Variants in PPEF2 observed in about 807,000 individuals in gnomAD.
The protein encoded by PPEF2 is serine/threonine-protein phosphatase with EF-hands 2.
In PPEF2, 84 loss-of-function variants were observed where a neutral mutation model predicts 84.7. The observed-to-expected ratio is 0.99, with a 90% CI of 0.83 to 1.19. The LOEUF (loss-of-function observed/expected upper bound fraction) is 1.19, where lower values mean the gene tolerates loss of function less well. PPEF2 is among the 50% of genes most tolerant of loss of function. PPEF2 has a pLI of 0.00. For synonymous variants in PPEF2, 346 were observed against 345.2 expected (o/e 1.00, Z -0.03); for missense variants, 924 against 937.5 (o/e 0.99, Z 0.19).
At chr4:75,870,290 A>AT (rs923610014) in intron 13 of PPEF2, among the ~76,000 whole-genome samples, 31 of 152,114 alleles carry the variant, frequency 2.0e-4, no homozygotes, top group Non-Finnish European at 4.4e-5. Context: ...CAAATGGCTG[A>AT]TTTTTTATAA....
chr4:75,893,784 T>C (rs1427749626), intron 2 of PPEF2, among the ~76,000 whole-genome samples: 3 of 152,202 alleles, frequency 2.0e-5, no homozygotes, highest in Non-Finnish European at 2.9e-5. Flanking sequence ...GTGCTGCCAA[T>C]GATGAGACAT....
At position 75,892,742 on chromosome 4, in the gene PPEF2, G is replaced by C. The variant is rs146456805; in HGVS notation, c.56-764C>G. ...CTAGGTGACCAGGTAGGGCAGGTTA[G>C]GGTGTGGAGTTTCATTCTTTATATA... On this transcript the variant is annotated intron_variant, in intron 2 of 16. Coordinates refer to ENST00000286719, the MANE Select transcript of PPEF2 (RefSeq NM_006239.3). Among the ~76,000 whole-genome samples the C allele has an allele frequency of 2.6e-3, 401 of 152,276 alleles. 3 individuals carry two copies. Among genetic ancestry groups the C allele is most frequent in the African/African-American group, 7.2e-3 (301 of 41,544 alleles).
At position 75,860,863 on chromosome 4, in the gene PPEF2, T is replaced by C. The variant is rs755522013; in HGVS notation, c.2066A>G (p.Asn689Ser). The change falls in exon 17 of 17, where the codon AAT (asparagine) becomes AGT (serine). Residue 689 changes from asparagine (N) to serine (S), a missense_variant. By Grantham distance (46) the Asn-to-Ser change is conservative. Coordinates refer to ENST00000286719, the MANE Select transcript of PPEF2 (RefSeq NM_006239.3). ...GATGCAGTCATCTGTAATGTCGATA[T>C]TCATGTGAGAGCTGAACAGCTTCCA... ...QTWKLFSSHM[N>S]IDITDDCICD... 1.2e-6 allele frequency: 2 copies of C among 1,614,234 alleles called. No homozygotes were observed. Among genetic ancestry groups the C allele is most frequent in the Non-Finnish European group, 1.7e-6 (2 of 1,180,030 alleles).
At chr4:75,885,092 C>T (rs1197049498) in intron 7 of PPEF2, among the ~76,000 whole-genome samples, 1 of 152,186 alleles carries the variant, frequency 6.6e-6, no homozygotes, top group Non-Finnish European at 1.5e-5. Context: ...TAATACTTGC[C>T]ATAGATTTCT....
Position 75,888,134 on chromosome 4 carries a change from C to T in PPEF2, c.532+80G>A. 6.3e-6 allele frequency: 7 copies of T among 1,113,920 alleles called. No homozygotes were observed. In the South Asian group the frequency reaches 9.0e-5, roughly 14 times the overall value. The allele number at this position is 1,113,920 out of a possible 1,614,324, so 69.0% of individuals were successfully genotyped here. A position where few individuals can be genotyped will look rare whatever the true frequency, so the allele number is the denominator to read the frequency against. On this transcript the variant is annotated intron_variant, in intron 6 of 16. Coordinates refer to ENST00000286719, the MANE Select transcript of PPEF2 (RefSeq NM_006239.3). Reference sequence around the variant, plus strand: ...TATCATCACATCTCCCTGCAGCCCGCCACTCCTCTTGCATCCCCACACAGG... The same window carrying T: ...TATCATCACATCTCCCTGCAGCCCGTCACTCCTCTTGCATCCCCACACAGG...
chr4:75,864,656 A>C, intron 15 of PPEF2, 129 bp from the exon 16 acceptor site: 1 of 699,570 alleles, frequency 1.4e-6, no homozygotes, highest in Non-Finnish European at 2.5e-6. Context: ...CCATCCCTCC[A>C]TTCCCTCTAC....
rs1474774001 is a variant in PPEF2 at position 75,902,242 on chromosome 4, G to C, written c.-71C>G. 7 of 152,166 alleles carry C rather than the reference G, an allele frequency of 4.6e-5. No homozygotes were observed. Among genetic ancestry groups the C allele is most frequent in the Admixed American group, 1.3e-4 (2 of 15,276 alleles). 9.4% of individuals were successfully genotyped at this position (152,166 alleles called of 1,614,324 possible). A position where few individuals can be genotyped will look rare whatever the true frequency, so the allele number is the denominator to read the frequency against. On this transcript the variant is annotated 5_prime_UTR_variant, in exon 1 of 17. Transcript: ENST00000286719. ...AGAAAGTTCTTACCTTCTTTGCTGG[G>C]TTTTTTATTTACCATGAGACACAAC...
At chr4:75,877,060 T>G (rs1724444565) in intron 10 of PPEF2, among the ~76,000 whole-genome samples, 2 of 49,884 alleles carry the variant, frequency 4.0e-5, no homozygotes. Context: ...AGAAGCCAGG[T>G]GCGGTGGCTC....
At chr4:75,871,949 C>T (rs1001431325) in intron 13 of PPEF2, 76 bp downstream of exon 13, 23 of 1,414,460 alleles carry the variant, frequency 1.6e-5, no homozygotes, top group East Asian at 4.6e-5. Flanking sequence ...ATAAATATAA[C>T]GTTTGACACT....
At chr4:75,873,666 G>A (rs1367334120) in intron 11 of PPEF2, among the ~76,000 whole-genome samples, 1 of 152,154 alleles carries the variant, frequency 6.6e-6, no homozygotes, top group East Asian at 1.9e-4. Flanking sequence ...CCAGGCTACT[G>A]GACATTTGCC....
At chr4:75,874,478 GT>G (rs772209651) in intron 11 of PPEF2, among the ~76,000 whole-genome samples, 7 of 151,818 alleles carry the variant, frequency 4.6e-5, no homozygotes, top group Non-Finnish European at 7.4e-5. Flanking sequence ...GTATTTTTTA[GT>G]AGAGACAGGA....
chr4:75,896,767 T>A (rs1026181558), intron 1 of PPEF2, among the ~76,000 whole-genome samples: 6 of 152,204 alleles, frequency 3.9e-5, no homozygotes, highest in African/African-American at 1.4e-4. Flanking sequence ...ATCACCTTTT[T>A]CATCCTCACT....
At chr4:75,896,488 C>G (rs1725013569) in intron 1 of PPEF2, 105 bp from the exon 2 acceptor site, 1 of 699,356 alleles carries the variant, frequency 1.4e-6, no homozygotes, top group Non-Finnish European at 2.5e-6. Context: ...CTCCACCTCT[C>G]CAGTCTAAGT....
At chr4:75,861,778 T>A (rs1724008288) in intron 16 of PPEF2, among the ~76,000 whole-genome samples, 1 of 140,090 alleles carries the variant, frequency 7.1e-6, no homozygotes, top group Non-Finnish European at 1.5e-5. Flanking sequence ...CCCGGCTAAT[T>A]TTTTGTATTT....
chr4:75,875,399 A>G (rs534715792), intron 11 of PPEF2, among the ~76,000 whole-genome samples: 11 of 152,250 alleles, frequency 7.2e-5, no homozygotes, highest in African/African-American at 2.4e-4. Flanking sequence ...CTTGAGCCTC[A>G]GGGGTTCAAG....
At position 75,860,873 on chromosome 4, in the gene PPEF2, A is replaced by T. The variant is rs758096580; in HGVS notation, c.2056T>A (p.Ser686Thr). The T allele has an allele frequency of 5.9e-5, 96 of 1,614,096 alleles. No individual in the cohort carries two copies. In the Middle Eastern group the frequency reaches 3.3e-3, roughly 55 times the overall value. The change falls in exon 17 of 17, where the codon TCT (serine) becomes ACT (threonine). Residue 686 changes from serine (S) to threonine (T), a missense_variant. Coordinates refer to ENST00000286719, the MANE Select transcript of PPEF2 (RefSeq NM_006239.3). ...TCTGTAATGTCGATATTCATGTGAG[A>T]GCTGAACAGCTTCCAGGTCTGCCTG... ...EFRQTWKLFS[S>T]HMNIDITDDC...
intron 16 of PPEF2, among the ~76,000 whole-genome samples, chr4:75,861,990 A>G (rs1246444545): frequency 6.6e-6 from 1 of 151,698 alleles, no homozygotes; most frequent in Non-Finnish European, 1.5e-5. Context: ...GACTTTTTCA[A>G]AATTAAAAAC....
At position 75,886,909 on chromosome 4, in the gene PPEF2, T is replaced by G. The variant is rs756654108; in HGVS notation, c.533-11A>C. On this transcript the variant is annotated splice_polypyrimidine_tract_variant and intron_variant, in intron 6 of 16. Transcript: ENST00000286719. ...GGCCATGTAAGTCTCCTAACAAAGA[T>G]AGAAAAAGAATATCAATTCTGATTG... is the stretch of plus-strand genomic sequence containing the variant. 9.2e-6 allele frequency: 13 copies of G among 1,410,422 alleles called. 1 individual carries two copies. The highest frequency in any genetic ancestry group is 1.8e-4 in the Middle Eastern group (1 of 5,576). The allele number at this position is 1,410,422 out of a possible 1,614,324, so 87.4% of individuals were successfully genotyped here.
chr4:75,870,832 G>T (rs1724250576), intron 13 of PPEF2, among the ~76,000 whole-genome samples: 1 of 151,684 alleles, frequency 6.6e-6, no homozygotes, highest in Non-Finnish European at 1.5e-5. Flanking sequence ...AACATTTTGT[G>T]GTTGTAATCT....
Sources: gnomAD v4.1 joint callset for allele counts (sites outside exome capture counted in the v4.1 genomes callset) on GRCh38, gnomAD v4.1.1 for gene constraint, MANE v1.5 for transcripts, NCBI Gene and HGNC (gene_info 2026-07-23, HGNC 2026-07-21) for gene names.